The following ZNF619 variants were observed in gnomAD, a reference collection of about 807,000 sequenced individuals.
ZNF619 encodes zinc finger protein 619.
Under a neutral mutation model 14.2 loss-of-function variants are expected in ZNF619, and 9 were observed. The observed-to-expected ratio is 0.64, with a 90% CI of 0.38 to 1.11. The LOEUF is 1.11. ZNF619 is among the 50% of genes least tolerant of loss of function. The pLI, the probability that ZNF619 is intolerant of heterozygous loss-of-function variation, is 0.01. For missense variants in ZNF619, 659 were observed against 680.1 expected (o/e 0.97, Z 0.34); for synonymous variants, 246 against 252.8 (o/e 0.97, Z 0.26).
chr3:40,480,382 T>C (rs561031716), intron 2 of ZNF619, among the ~76,000 whole-genome samples: 56 of 152,196 alleles, frequency 3.7e-4, no homozygotes, highest in Non-Finnish European at 7.2e-4. Flanking sequence ...AAGCAATCTA[T>C]GAGGAGACAT....
chr3:40,488,360 C>G lies in ZNF619; in HGVS notation c.*119C>G. On this transcript the variant is annotated 3_prime_UTR_variant, in exon 5 of 5. Coordinates refer to ENST00000432264, the MANE Select transcript of ZNF619 (RefSeq NM_001145093.4). ...GTATAAGTTGTTACTGTTTTCCTAA[C>G]TTCATTTTAAATTCTCACGCTTAAG... The G allele has an allele frequency of 1.5e-6, 1 of 649,814 alleles. No homozygotes were observed. Among genetic ancestry groups the G allele is most frequent in the Non-Finnish European group, 2.7e-6 (1 of 366,926 alleles). 40.3% of individuals were successfully genotyped at this position (649,814 alleles called of 1,614,324 possible).
Position 40,486,863 on chromosome 3 carries a change from A to C in ZNF619, c.353A>C (p.Glu118Ala). 6.2e-7 allele frequency: 1 copy of C among 1,613,106 alleles called. No homozygotes were observed. The highest frequency in any genetic ancestry group is 8.5e-7 in the Non-Finnish European group (1 of 1,179,746). ...EKTAQLNISKESESHRLIVEG... is the reference protein window; with the variant it reads ...EKTAQLNISKASESHRLIVEG... ...ACTGCACAGCTAAACATTTCTAAAG[A>C]ATCAGAGTCCCACAGACTGATAGTG... The change falls in exon 5 of 5, where the codon GAA (glutamate) becomes GCA (alanine). Residue 118 changes from glutamate (E) to alanine (A), a missense_variant. By Grantham distance (107) the Glu-to-Ala change is moderately radical. Transcript: ENST00000432264.
rs1697704894 is a variant in ZNF619 at position 40,488,238 on chromosome 3, G to A, written c.1728G>A (p.Leu576=). Residue 576 remains leucine (L), a synonymous_variant, in exon 5 of 5, where the codon CTG becomes CTA. Transcript: ENST00000432264. ...LQSPNPLSHS[L] ...GCCCGAATCCTTTGTCTCACTCCCT[G>A]TAAGCCCCGTCACGTTCTCAAAATC... The A allele has an allele frequency of 6.1e-6, 9 of 1,484,558 alleles. No homozygotes were observed. The highest frequency in any genetic ancestry group is 1.4e-5 in the African/African-American group (1 of 71,906). 92.0% of individuals were successfully genotyped at this position (1,484,558 alleles called of 1,614,324 possible).
chr3:40,487,140 C>CAGTT lies in ZNF619; in HGVS notation c.632_635dup (p.Tyr212Ter). On this transcript the variant is annotated frameshift_variant, in exon 5 of 5. Coordinates refer to ENST00000432264, the MANE Select transcript of ZNF619 (RefSeq NM_001145093.4). LOFTEE classifies it low-confidence loss of function (END_TRUNC). ...TGTTTTATAAATGTGGTGAGTGTGG[C>CAGTT]AGTTACTACAACCCACATTCAGACT... 1 of 1,614,154 alleles carries CAGTT rather than the reference C, an allele frequency of 6.2e-7. No individual in the cohort carries two copies.
chr3:40,478,151 A>G (rs1280795644), intron 2 of ZNF619, 148 bp downstream of exon 2: 2 of 717,732 alleles, frequency 2.8e-6, no homozygotes, highest in Middle Eastern at 5.5e-4. Context: ...GAGTTGACGA[A>G]CGAGAGTAGG....
At position 40,487,878 on chromosome 3, in the gene ZNF619, T is replaced by C. The variant is rs145933536; in HGVS notation, c.1368T>C (p.Tyr456=). 79 of 1,614,214 alleles carry C rather than the reference T, an allele frequency of 4.9e-5. No homozygotes were observed. The African/African-American group carries it at 8.9e-4, about 18-fold the overall frequency. The change falls in exon 5 of 5, where the codon TAT becomes TAC. Residue 456 remains tyrosine, a synonymous_variant. Transcript: ENST00000432264. ...HQRVHTGEKP[Y]ECKECGKAFR... is the part of the protein sequence containing the mutation. ...GAGTTCACACTGGGGAGAAACCTTA[T>C]GAGTGTAAGGAGTGCGGGAAAGCCT...
chr3:40,485,082 C>A (rs1245003339), intron 4 of ZNF619, among the ~76,000 whole-genome samples: 1 of 152,148 alleles, frequency 6.6e-6, no homozygotes, highest in Non-Finnish European at 1.5e-5. Flanking sequence ...CACACACCAC[C>A]AAACCCAGCC....
Position 40,486,891 on chromosome 3 carries a change from G to A in ZNF619, c.381G>A (p.Glu127=). 6.2e-7 allele frequency: 1 copy of A among 1,614,182 alleles called. No homozygotes were observed. The highest frequency in any genetic ancestry group is 1.1e-5 in the South Asian group (1 of 91,082). ...CAGAGTCCCACAGACTGATAGTGGA[G>A]GGACTGCTGATGGACGTTCCCCAGC... ...KESESHRLIV[E]GLLMDVPQHP... The change falls in exon 5 of 5, where the codon GAG becomes GAA. Residue 127 remains glutamate (E), a synonymous_variant. Transcript: ENST00000432264.
Position 40,488,251 on chromosome 3 carries a change from C to A in ZNF619, c.*10C>A. On this transcript the variant is annotated 3_prime_UTR_variant, in exon 5 of 5. Coordinates refer to ENST00000432264, the MANE Select transcript of ZNF619 (RefSeq NM_001145093.4). ...GTCTCACTCCCTGTAAGCCCCGTCA[C>A]GTTCTCAAAATCCTTTGCACCTCAA... is the stretch of plus-strand genomic sequence containing the variant. 2.9e-6 allele frequency: 4 copies of A among 1,381,332 alleles called. No homozygotes were observed. Among genetic ancestry groups the A allele is most frequent in the Non-Finnish European group, 4.0e-6 (4 of 992,566 alleles). The allele number at this position is 1,381,332 out of a possible 1,614,324, so 85.6% of individuals were successfully genotyped here.
At chr3:40,480,572 C>T (rs2125635463) in intron 2 of ZNF619, among the ~76,000 whole-genome samples, 1 of 150,326 alleles carries the variant, frequency 6.7e-6, no homozygotes, top group Middle Eastern at 3.4e-3. Flanking sequence ...AATCTCGGCT[C>T]ACTCCAAGCT....
At chr3:40,484,174 C>T (rs1373643685) in intron 4 of ZNF619, among the ~76,000 whole-genome samples, 1 of 152,216 alleles carries the variant, frequency 6.6e-6, no homozygotes, top group Non-Finnish European at 1.5e-5. Flanking sequence ...GATTCTCCTG[C>T]CTCAGCCTCC....
rs79850610 is a variant in ZNF619 at position 40,479,600 on chromosome 3, G to C, written c.24+1597G>C. ...AATGGGGGCAACTGAGGCACAGAAA[G>C]TTTAATTGTCTCATCCAAAGTTAAC... On this transcript the variant is annotated intron_variant, in intron 2 of 4. Transcript: ENST00000432264. 3.8e-3 allele frequency among the ~76,000 whole-genome samples: 581 copies of C among 152,328 alleles called. 2 individuals carry two copies. Among genetic ancestry groups the C allele is most frequent in the African/African-American group, 0.013 (539 of 41,574 alleles).
At position 40,487,892 on chromosome 3, in the gene ZNF619, G is replaced by A; in HGVS notation, c.1382G>A (p.Cys461Tyr). 6.2e-7 allele frequency: 1 copy of A among 1,614,206 alleles called. No homozygotes were observed. Among genetic ancestry groups the A allele is most frequent in the Non-Finnish European group, 8.5e-7 (1 of 1,180,044 alleles). Residue 461 changes from cysteine (C) to tyrosine (Y), a missense_variant, in exon 5 of 5, where the codon TGC (cysteine) becomes TAC (tyrosine). Coordinates refer to ENST00000432264, the MANE Select transcript of ZNF619 (RefSeq NM_001145093.4). ...GAGAAACCTTATGAGTGTAAGGAGT[G>A]CGGGAAAGCCTTCAGATGGAATGCA... ...TGEKPYECKE[C>Y]GKAFRWNASF... is the part of the protein sequence containing the mutation.
chr3:40,485,649 CTGTGTGTGTG>C (rs71618940), intron 4 of ZNF619, among the ~76,000 whole-genome samples: 2 of 148,844 alleles, frequency 1.3e-5, no homozygotes, highest in Non-Finnish European at 3.0e-5. Context: ...TCGGTTTCAG[CTGTGTGTGTG>C]TGTGTGTGTG....
In ZNF619 at chr3:40,487,317, C is replaced by A. The variant is rs201857902; in HGVS notation, c.807C>A (p.Phe269Leu). The A allele has an allele frequency of 5.0e-6, 8 of 1,614,156 alleles. No individual in the cohort carries two copies. Among genetic ancestry groups the A allele is most frequent in the African/African-American group, 2.7e-5 (2 of 75,060 alleles). ...PYSCEECGQA[F>L]SQNSHLLQHQ... is the part of the protein sequence containing the mutation. ...CATGTGAGGAATGTGGACAAGCCTT[C>A]AGTCAAAATTCCCACCTTCTTCAGC... The change falls in exon 5 of 5, where the codon TTC becomes TTA. Residue 269 changes from phenylalanine to leucine, a missense_variant. Physicochemically the swap from Phe to Leu is conservative, Grantham distance 22 (BLOSUM62 0). Coordinates refer to ENST00000432264, the MANE Select transcript of ZNF619 (RefSeq NM_001145093.4).
rs760415362 is a variant in ZNF619 at position 40,487,038 on chromosome 3, G to C, written c.528G>C (p.Glu176Asp). 3 of 1,614,162 alleles carry C rather than the reference G, an allele frequency of 1.9e-6. No homozygotes were observed. Among genetic ancestry groups the C allele is most frequent in the Middle Eastern group, 1.6e-4 (1 of 6,062 alleles). The change falls in exon 5 of 5, where the codon GAG becomes GAC. Residue 176 changes from glutamate to aspartate, a missense_variant. Physicochemically the swap from Glu to Asp is conservative, Grantham distance 45. Transcript: ENST00000432264. ...QDHESSTTER[E>D]EIARKLEESS... ...ATGAATCTTCCACCACTGAAAGGGA[G>C]GAGATAGCCAGGAAATTGGAAGAAA...
chr3:40,487,371 C>T lies in ZNF619; in HGVS notation c.861C>T (p.Pro287=), dbSNP rs138519036. Residue 287 remains proline (P), a synonymous_variant, in exon 5 of 5, where the codon CCC becomes CCT. Transcript: ENST00000432264. ...AGAAGCTCCATGGTGGACAGAGGCC[C>T]TATGAATGTACTGACTGTGGTAAAA... is the stretch of plus-strand genomic sequence containing the variant. ...QHQKLHGGQR[P]YECTDCGKTF... 2.5e-6 allele frequency: 4 copies of T among 1,614,170 alleles called. No homozygotes were observed. The highest frequency in any genetic ancestry group is 2.2e-5 in the East Asian group (1 of 44,880).
At chr3:40,478,208 C>A (rs1284622917) in intron 2 of ZNF619, among the ~76,000 whole-genome samples, 1 of 152,020 alleles carries the variant, frequency 6.6e-6, no homozygotes, top group Non-Finnish European at 1.5e-5. Context: ...AATGAATTAT[C>A]CTAGAAAGTG....
In ZNF619 at chr3:40,487,760, T is replaced by G; in HGVS notation, c.1250T>G (p.Val417Gly). 2 of 1,613,924 alleles carry G rather than the reference T, an allele frequency of 1.2e-6. No individual in the cohort carries two copies. The highest frequency in any genetic ancestry group is 1.7e-6 in the Non-Finnish European group (2 of 1,179,978). ...TTCAGCTGTAGCTCCCGCTTCATAG[T>G]GCATCAGAGAATCCACAATGGGGAG... ...KTFSCSSRFI[V>G]HQRIHNGEKP... The change falls in exon 5 of 5, where the codon GTG becomes GGG. Residue 417 changes from valine to glycine, a missense_variant. Coordinates refer to ENST00000432264, the MANE Select transcript of ZNF619 (RefSeq NM_001145093.4).
Sources: gnomAD v4.1 joint callset for allele counts (sites outside exome capture counted in the v4.1 genomes callset) on GRCh38, gnomAD v4.1.1 for gene constraint, MANE v1.5 for transcripts, NCBI Gene and HGNC (gene_info 2026-07-23, HGNC 2026-07-21) for gene names.